The following CDH23 variants were observed in gnomAD, a reference collection of about 807,000 sequenced individuals.
The protein encoded by CDH23 is cadherin related 23, also known as cadherin-23.
CDH23 carries 189 observed loss-of-function variants against 317.1 expected under a neutral mutation model. That is an observed-to-expected ratio of 0.60 (90% CI 0.53 to 0.67). The LOEUF (loss-of-function observed/expected upper bound fraction) is 0.67, where lower values mean the gene tolerates loss of function less well. CDH23 is among the 30% of genes least tolerant of loss of function. CDH23 has a pLI of 0.00. For synonymous variants in CDH23, 1,839 were observed against 1,876.8 expected (o/e 0.98, Z 0.52); for missense variants, 4,401 against 4,592.4 (o/e 0.96, Z 1.20).
chr10:71,520,123 C>G (rs1181689056), intron 6 of CDH23, among the ~76,000 whole-genome samples: 2 of 152,156 alleles, frequency 1.3e-5, no homozygotes, highest in Non-Finnish European at 2.9e-5. Context: ...AGTATTACCA[C>G]TGTTATGAAA....
chr10:71,625,092 G>A (rs1190745924), intron 11 of CDH23, among the ~76,000 whole-genome samples: 1 of 152,032 alleles, frequency 6.6e-6, no homozygotes, highest in Non-Finnish European at 1.5e-5. Context: ...AGAAGTGAGA[G>A]CCCCCCGTGA....
chr10:71,707,153 A>G, intron 26 of CDH23, 104 bp downstream of exon 26: 3 of 1,548,310 alleles, frequency 1.9e-6, no homozygotes, highest in Non-Finnish European at 1.7e-6. Context: ...AGGGTGGAAA[A>G]GAGGTCAGGG....
chr10:71,728,051 C>T (rs1866893756), intron 30 of CDH23, among the ~76,000 whole-genome samples: 1 of 152,164 alleles, frequency 6.6e-6, no homozygotes, highest in African/African-American at 2.4e-5. Flanking sequence ...CAGCCTGGCC[C>T]TGTTTTTTCC....
chr10:71,629,659 T>TC (rs1861911596), intron 11 of CDH23, among the ~76,000 whole-genome samples: 1 of 152,202 alleles, frequency 6.6e-6, no homozygotes, highest in Non-Finnish European at 1.5e-5. Context: ...GGGCCATTAT[T>TC]CAGCCATTGC....
chr10:71,720,110 G>A (rs996542060), intron 28 of CDH23, among the ~76,000 whole-genome samples: 2 of 152,216 alleles, frequency 1.3e-5, no homozygotes, highest in African/African-American at 2.4e-5. Flanking sequence ...GTGCCTGCCA[G>A]CCACCAGGTT....
chr10:71,687,737 G>C lies in CDH23; in HGVS notation c.2059+18G>C. On this transcript the variant is annotated intron_variant, in intron 19 of 69. Coordinates refer to ENST00000224721, the MANE Select transcript of CDH23 (RefSeq NM_022124.6). ...CATGGCAGGTACAGGCTCAGGTCGGGGGGTGGGGGGCACATGGAGGTAGGC... is the reference window on the plus strand; with the variant it reads ...CATGGCAGGTACAGGCTCAGGTCGGCGGGTGGGGGGCACATGGAGGTAGGC... 6.2e-7 allele frequency: 1 copy of C among 1,611,980 alleles called. No homozygotes were observed. Among genetic ancestry groups the C allele is most frequent in the Non-Finnish European group, 8.5e-7 (1 of 1,178,872 alleles).
At chr10:71,738,930 G>A in intron 35 of CDH23, among the ~76,000 whole-genome samples, 1 of 152,248 alleles carries the variant, frequency 6.6e-6, no homozygotes, top group East Asian at 1.9e-4. Context: ...TTCCCACGCA[G>A]CCCCAGCTCC....
chr10:71,755,896 G>A (rs1253834535), intron 38 of CDH23, among the ~76,000 whole-genome samples: 7 of 152,300 alleles, frequency 4.6e-5, no homozygotes, highest in South Asian at 4.1e-4. Flanking sequence ...CAGTGGTGAC[G>A]GTTGCACATT....
chr10:71,788,478 T>A (rs1841158435), intron 44 of CDH23, among the ~76,000 whole-genome samples: 1 of 152,032 alleles, frequency 6.6e-6, no homozygotes, highest in African/African-American at 2.4e-5. Context: ...TTTTTTGAGA[T>A]GGAGTCTTGC....
chr10:71,510,357 C>A, intron 4 of CDH23, 133 bp downstream of exon 4: 1 of 1,023,598 alleles, frequency 9.8e-7, no homozygotes, highest in Admixed American at 2.3e-5. Flanking sequence ...ATCTTCCTGC[C>A]TGAATGGTAT....
intron 6 of CDH23, among the ~76,000 whole-genome samples, chr10:71,535,039 C>CCTCCGCGGCTCTTCAGGGA (rs1855619385): frequency 1.3e-5 from 2 of 152,234 alleles, no homozygotes; most frequent in Admixed American, 1.3e-4. Context: ...TTGCCTGTGC[C>CCTCCGCGGCTCTTCAGGGA]CTCCGCGGCT....
At chr10:71,619,458 C>T (rs1861359855) in intron 11 of CDH23, among the ~76,000 whole-genome samples, 1 of 152,218 alleles carries the variant, frequency 6.6e-6, no homozygotes, top group African/African-American at 2.4e-5. Flanking sequence ...TTAGGGCAGG[C>T]ACCTCCTTTT....
intron 14 of CDH23, among the ~76,000 whole-genome samples, chr10:71,670,428 A>G (rs1864098192): frequency 6.6e-6 from 1 of 152,234 alleles, no homozygotes; most frequent in South Asian, 2.1e-4. Context: ...AAAGTGGGGC[A>G]CACACAGACA....
rs2394840 is a variant in CDH23, at chr10:71,813,608, G to T, written c.9738+260G>T. The stretch of plus-strand genomic sequence containing the variant: ...TCAAGAACATACCTTTGGGGGTGAT[G>T]TCACTTTAAGAAACCCGGCTGGGTG... On this transcript the variant is annotated intron_variant, in intron 69 of 69. Coordinates refer to ENST00000224721, the MANE Select transcript of CDH23 (RefSeq NM_022124.6). Among the ~76,000 whole-genome samples the T allele has an allele frequency of 0.14, 21,245 of 152,064 alleles. 1,858 individuals carry two copies. Among genetic ancestry groups the T allele is most frequent in the East Asian group, 0.37 (1,885 of 5,140 alleles).
chr10:71,721,221 T>A (rs1054357831), intron 28 of CDH23, among the ~76,000 whole-genome samples: 8 of 152,172 alleles, frequency 5.3e-5, no homozygotes, highest in Non-Finnish European at 1.0e-4. Context: ...CTTCCAGATC[T>A]GGACAATTGA....
At chr10:71,766,237 GC>G (rs1840541008) in intron 38 of CDH23, among the ~76,000 whole-genome samples, 1 of 152,240 alleles carries the variant, frequency 6.6e-6, no homozygotes, top group South Asian at 2.1e-4. Flanking sequence ...GGGGAGGAAA[GC>G]CCCTGGCTCC....
Position 71,702,048 on chromosome 10 carries a change from G to A in CDH23, c.2424G>A (p.Gly808=), listed in dbSNP as rs76601590. ...TGGTGGCTGTTGACCCAGACCTGGGGGAGAATGGCACCCTGGTGTACAGCA... is the reference window on the plus strand; with the variant it reads ...TGGTGGCTGTTGACCCAGACCTGGGAGAGAATGGCACCCTGGTGTACAGCA... The part of the protein sequence containing the change: ...TTVVAVDPDL[G]ENGTLVYSIQ... Residue 808 remains glycine, a synonymous_variant, in exon 23 of 70, where the codon GGG becomes GGA. Transcript: ENST00000224721. 24,521 of 1,613,768 alleles carry A rather than the reference G, an allele frequency of 0.015. 1,980 individuals are homozygous for A. In the East Asian group the frequency reaches 0.2, roughly 13 times the overall value.
At chr10:71,599,681 G>A (rs1225408570) in intron 9 of CDH23, among the ~76,000 whole-genome samples, 1 of 152,220 alleles carries the variant, frequency 6.6e-6, no homozygotes, top group Non-Finnish European at 1.5e-5. Flanking sequence ...GGTCCCCAAA[G>A]CTTCTCAAAG....
intron 11 of CDH23, among the ~76,000 whole-genome samples, chr10:71,618,782 G>C (rs1861323095): frequency 6.6e-6 from 1 of 151,998 alleles, no homozygotes; most frequent in African/African-American, 2.4e-5. Context: ...AAGGACTCAG[G>C]GCACGTGGGC....
Sources: allele counts gnomAD v4.1 joint callset (sites outside exome capture counted in the v4.1 genomes callset), GRCh38; gene constraint gnomAD v4.1.1; transcripts MANE v1.5; gene names NCBI Gene and HGNC (gene_info 2026-07-23, HGNC 2026-07-21).